The following FAAH2 variants were observed in gnomAD, a reference collection of about 807,000 sequenced individuals.
The protein encoded by FAAH2 is fatty acid amide hydrolase 2, also known as fatty-acid amide hydrolase 2.
Under a neutral mutation model 36.9 loss-of-function variants are expected in FAAH2, and 60 were observed. That is an observed-to-expected ratio of 1.63 (90% CI 1.32 to 2.02). The LOEUF is 2.02. Among genes scored for constraint, FAAH2 ranks in the 30% most tolerant of loss-of-function variants. The pLI is 0.00. For missense variants in FAAH2, 689 were observed against 397.5 expected (o/e 1.73, Z -6.23); for synonymous variants, 214 against 143.8 (o/e 1.49, Z -3.49).
rs66516710 is a variant in FAAH2 at position 57,466,128 on chromosome X, A to ATCTC, written c.1423+17436_1423+17439dup. 5.1e-3 allele frequency among the ~76,000 whole-genome samples: 360 copies of ATCTC among 70,791 alleles called. 6 individuals carry two copies. The highest frequency in any genetic ancestry group is 0.017 in the African/African-American group (335 of 19,171). The allele number at this position is 70,791 out of a possible 115,157, so 61.5% of individuals were successfully genotyped here. ...AGCTATAGCACTGTATTGTTGGATT[A>ATCTC]TCTCTCTCTCTCTCTCTCTCTCTCT... On this transcript the variant is annotated intron_variant, in intron 10 of 10. Coordinates refer to ENST00000374900, the MANE Select transcript of FAAH2 (RefSeq NM_174912.4).
chrX:57,472,911 T>C (rs1260735384), intron 10 of FAAH2, among the ~76,000 whole-genome samples: 1 of 111,449 alleles, frequency 9.0e-6, no homozygotes, highest in East Asian at 2.8e-4. Flanking sequence ...GAATCTTCTC[T>C]GCTTCTTTTT....
the FAAH2 span, among the ~76,000 whole-genome samples, chrX:57,192,339 G>GTT: frequency 5.5e-5 from 6 of 110,088 alleles, no homozygotes; most frequent in South Asian, 3.8e-4. Flanking sequence ...AGTTTGAATA[G>GTT]TTTTTTTTTG....
At chrX:57,342,970 G>T (rs73516816) in intron 5 of FAAH2, among the ~76,000 whole-genome samples, 2,475 of 111,523 alleles carry the variant, frequency 0.022, 50 homozygotes, top group African/African-American at 0.066. Flanking sequence ...CCTTTTTATG[G>T]CTGCATAGTA....
At chrX:57,128,919 C>A in the FAAH2 span, among the ~76,000 whole-genome samples, 1 of 111,210 alleles carries the variant, frequency 9.0e-6, no homozygotes, top group South Asian at 3.8e-4. Flanking sequence ...GCAAGAAAAA[C>A]CAAGGTTATG....
the FAAH2 span, among the ~76,000 whole-genome samples, chrX:57,260,757 G>A: frequency 9.0e-6 from 1 of 111,132 alleles, no homozygotes; most frequent in Non-Finnish European, 1.9e-5. Flanking sequence ...GTGTGTGTGT[G>A]TGTATATATA....
At chrX:57,405,621 C>T (rs866237322) in intron 7 of FAAH2, among the ~76,000 whole-genome samples, 43 of 106,216 alleles carry the variant, frequency 4.0e-4, no homozygotes, top group Middle Eastern at 4.7e-3. Context: ...TATCAGAGCT[C>T]CCATAAAATA....
chrX:57,251,535 C>T, the FAAH2 span, among the ~76,000 whole-genome samples: 1 of 111,615 alleles, frequency 9.0e-6, no homozygotes, highest in Admixed American at 9.5e-5. Context: ...CAAAGTCATC[C>T]AAATTGGAAA....
At chrX:57,437,914 CGTACATGTATACACATATATACATAG>C (rs1211357325) in intron 8 of FAAH2, among the ~76,000 whole-genome samples, 22 of 100,689 alleles carry the variant, frequency 2.2e-4, no homozygotes, top group Admixed American at 4.5e-4. Context: ...TATATACATA[CGTACATGTATACACATATATACATAG>C]GTACATGTAT....
the FAAH2 span, among the ~76,000 whole-genome samples, chrX:57,198,120 G>A: frequency 1.8e-5 from 2 of 110,930 alleles, no homozygotes; most frequent in Non-Finnish European, 3.8e-5. Context: ...TTAGGGGTGG[G>A]GCCATAGAGC....
intron 4 of FAAH2, among the ~76,000 whole-genome samples, chrX:57,332,173 T>A (rs1169527590): frequency 8.9e-6 from 1 of 112,548 alleles, no homozygotes; most frequent in Non-Finnish European, 1.9e-5. Context: ...AAATATGATG[T>A]TTAAACTTGT....
the FAAH2 span, among the ~76,000 whole-genome samples, chrX:57,269,981 T>C: frequency 9.0e-6 from 1 of 110,686 alleles, no homozygotes; most frequent in Non-Finnish European, 1.9e-5. Flanking sequence ...CTAGATAGAC[T>C]AATGAAGAAG....
intron 2 of FAAH2, among the ~76,000 whole-genome samples, chrX:57,295,533 C>T (rs12353629): frequency 1.4e-3 from 155 of 112,061 alleles, no homozygotes; most frequent in African/African-American, 4.5e-3. Flanking sequence ...GCGTAAGCGA[C>T]GCAGAAGATG....
chrX:57,401,911 C>T (rs1367792411), intron 7 of FAAH2, among the ~76,000 whole-genome samples: 4 of 111,269 alleles, frequency 3.6e-5, no homozygotes, highest in Non-Finnish European at 7.5e-5. Flanking sequence ...ATTAGACAAG[C>T]ATGTGAAAAG....
At chrX:57,399,067 G>T (rs2055370999) in intron 7 of FAAH2, among the ~76,000 whole-genome samples, 1 of 111,493 alleles carries the variant, frequency 9.0e-6, no homozygotes, top group African/African-American at 3.3e-5. Context: ...GGAATCCACG[G>T]TAGATCTTAG....
the FAAH2 span, among the ~76,000 whole-genome samples, chrX:57,235,434 A>G: frequency 9.0e-6 from 1 of 111,688 alleles, no homozygotes; most frequent in Admixed American, 9.5e-5. Flanking sequence ...CATCACTCTT[A>G]TGATCTCTAC....
intron 10 of FAAH2, among the ~76,000 whole-genome samples, chrX:57,454,019 G>A (rs1218515804): frequency 1.8e-5 from 2 of 110,797 alleles, no homozygotes; most frequent in African/African-American, 6.6e-5. Context: ...GTGATCGAAG[G>A]GGGCTCCTCC....
chrX:57,147,882 G>T, the FAAH2 span, among the ~76,000 whole-genome samples: 1 of 111,686 alleles, frequency 9.0e-6, no homozygotes, highest in African/African-American at 3.3e-5. Flanking sequence ...ATTTCTTTTG[G>T]AGTTGATTTC....
chrX:57,440,861 A>G (rs768466972), intron 8 of FAAH2, among the ~76,000 whole-genome samples: 1 of 111,484 alleles, frequency 9.0e-6, no homozygotes. Context: ...TGAGATAATC[A>G]TGTGTTTTTT....
intron 7 of FAAH2, among the ~76,000 whole-genome samples, chrX:57,400,651 C>G (rs969591678): frequency 8.9e-6 from 1 of 112,482 alleles, no homozygotes; most frequent in African/African-American, 3.2e-5. Flanking sequence ...GCCAAGGAAC[C>G]CTCTTAGTTG....
Sources: gnomAD v4.1 joint callset for allele counts (sites outside exome capture counted in the v4.1 genomes callset) on GRCh38, gnomAD v4.1.1 for gene constraint, MANE v1.5 for transcripts, NCBI Gene and HGNC (gene_info 2026-07-23, HGNC 2026-07-21) for gene names.